Variants in EPC1 observed in about 807,000 individuals in gnomAD.
EPC1 encodes the protein enhancer of polycomb 1, also known as enhancer of polycomb homolog 1.
In EPC1, 12 loss-of-function variants were observed where a neutral mutation model predicts 98.4. The observed-to-expected ratio is 0.12, with a 90% confidence interval of 0.08 to 0.20. The LOEUF (loss-of-function observed/expected upper bound fraction) is 0.20, where lower values mean the gene tolerates loss of function less well. Among genes scored for constraint, EPC1 ranks in the 10% least tolerant of loss-of-function variants. The probability of loss-of-function intolerance (pLI) is 1.00; values close to 1 mark genes in which losing one functional copy is unlikely to be tolerated. For missense variants in EPC1, 729 were observed against 990.5 expected, an observed-to-expected ratio of 0.74 and a Z score of 3.54; for synonymous variants, 357 against 363.9, an observed-to-expected ratio of 0.98 and a Z score of 0.21.
intron 2 of EPC1, among the ~76,000 whole-genome samples, chr10:32,293,974 G>A (rs1468837204): frequency 6.6e-6 from 1 of 152,130 alleles, no homozygotes; most frequent in Middle Eastern, 3.4e-3. Context: ...CAATGGATGC[G>A]ACACCCTCCA....
At chr10:32,276,405 G>A (rs1004919828) in intron 10 of EPC1, among the ~76,000 whole-genome samples, 3 of 152,064 alleles carry the variant, frequency 2.0e-5, no homozygotes, top group Admixed American at 6.5e-5. Flanking sequence ...CCAGCTACTC[G>A]GGAGGCTGAG....
chr10:32,270,751 G>C (rs890361273), intron 13 of EPC1, among the ~76,000 whole-genome samples: 3 of 148,738 alleles, frequency 2.0e-5, no homozygotes, highest in African/African-American at 7.4e-5. Flanking sequence ...GAACCTGGGA[G>C]GCAGAGATTG....
At chr10:32,356,631 ACT>A (rs1434012137) in intron 1 of EPC1, among the ~76,000 whole-genome samples, 7 of 152,146 alleles carry the variant, frequency 4.6e-5, no homozygotes, top group African/African-American at 1.7e-4. Flanking sequence ...AGGAAAATAG[ACT>A]CTGTGAGCTG....
chr10:32,336,450 C>G (rs1295882435), intron 1 of EPC1, among the ~76,000 whole-genome samples: 1 of 152,124 alleles, frequency 6.6e-6, no homozygotes, highest in African/African-American at 2.4e-5. Context: ...CAAACCCTAT[C>G]TACCTACTTT....
intron 1 of EPC1, among the ~76,000 whole-genome samples, chr10:32,321,468 T>A (rs1836912503): frequency 6.6e-6 from 1 of 152,038 alleles, no homozygotes; most frequent in African/African-American, 2.4e-5. Context: ...TCCTCCTGCC[T>A]CTGCCTCCTA....
chr10:32,290,170 T>G lies in EPC1; in HGVS notation c.975+993A>C, dbSNP rs1012813076. Among the ~76,000 whole-genome samples the G allele has an allele frequency of 2.6e-5, 4 of 152,164 alleles. No individual in the cohort carries two copies. The South Asian group carries it at 8.3e-4, about 32-fold the overall frequency. On this transcript the variant is annotated intron_variant, in intron 6 of 13. Coordinates refer to ENST00000319778, the MANE Select transcript of EPC1 (RefSeq NM_001272004.3). ...CAAAATTCCCTCTTATACACTATTG[T>G]GTCCACAAAAGACAGAAAAACTCAT...
At chr10:32,278,371 G>GTTTTTTTTTTTTGTTTTTTTTTTT (rs1836213066) in intron 10 of EPC1, among the ~76,000 whole-genome samples, 2 of 102,598 alleles carry the variant, frequency 1.9e-5, no homozygotes, top group Non-Finnish European at 3.8e-5. Flanking sequence ...GTTTTTTTTT[G>GTTTTTTTTTTTTGTTTTTTTTTTT]TTTTTTTTTT....
chr10:32,273,317 C>T, intron 10 of EPC1, 36 bp from the exon 11 acceptor site: 1 of 1,602,820 alleles, frequency 6.2e-7, no homozygotes, highest in South Asian at 1.1e-5. Flanking sequence ...TATAAAAATG[C>T]CCAGCTGTCA....
chr10:32,318,531 G>T (rs1836689695), intron 1 of EPC1, among the ~76,000 whole-genome samples: 1 of 152,054 alleles, frequency 6.6e-6, no homozygotes, highest in Non-Finnish European at 1.5e-5. Context: ...CTGAACTCTA[G>T]ACATGTATAT....
intron 9 of EPC1, chr10:32,285,286 C>A (rs888430591): frequency 2.4e-6 from 1 of 421,956 alleles, no homozygotes. Context: ...TTACAAAGCA[C>A]CAAAATGAAT....
chr10:32,283,622 A>ATTCT (rs1836518374), intron 10 of EPC1: 1 of 152,188 alleles, frequency 6.6e-6, no homozygotes, highest in South Asian at 2.1e-4. Flanking sequence ...TAAATTTCTT[A>ATTCT]ATAACATGTT....
intron 1 of EPC1, among the ~76,000 whole-genome samples, chr10:32,367,210 C>T (rs906713375): frequency 3.3e-5 from 5 of 152,118 alleles, no homozygotes; most frequent in South Asian, 2.1e-4. Flanking sequence ...AGGCTGGTCT[C>T]GAACTCCTGA....
rs558009654 is a variant in EPC1, at chr10:32,368,206, G to C, written c.3+10285C>G. Among the ~76,000 whole-genome samples, 12 of 152,282 alleles carry C rather than the reference G, an allele frequency of 7.9e-5. No individual in the cohort carries two copies. The South Asian group carries it at 1.5e-3, about 18-fold the overall frequency. On this transcript the variant is annotated intron_variant, in intron 1 of 13. Transcript: ENST00000375110. ...ATCCCTTCATCATTTTCTGGCAATT[G>C]ACGCAAGCATTTGAACTGGTGCTCT...
chr10:32,269,673 A>C (rs1373050739), intron 13 of EPC1, among the ~76,000 whole-genome samples: 2 of 152,258 alleles, frequency 1.3e-5, no homozygotes, highest in South Asian at 4.1e-4. Flanking sequence ...AATTCTATAC[A>C]TGGCAAATAT....
chr10:32,286,413 G>A (rs1415871239), intron 9 of EPC1: 4 of 437,000 alleles, frequency 9.2e-6, no homozygotes, highest in Admixed American at 7.4e-5. Context: ...GTCTTCATCT[G>A]TTGCCCTTTC....
chr10:32,341,317 CTGTG>C (rs955653800), intron 1 of EPC1, among the ~76,000 whole-genome samples: 2 of 102,620 alleles, frequency 1.9e-5, no homozygotes, highest in Admixed American at 1.0e-4. Context: ...GGACACATGT[CTGTG>C]TGTGTGTGTC....
Position 32,308,686 on chromosome 10 carries a change from T to G in EPC1, c.154-2755A>C, listed in dbSNP as rs541775256. Among the ~76,000 whole-genome samples, 138 of 152,308 alleles carry G rather than the reference T, an allele frequency of 9.1e-4. 1 individual carries two copies. The highest frequency in any genetic ancestry group is 3.2e-3 in the African/African-American group (135 of 41,580). ...AATCCTCACACACTGTTGGTGAGAA[T>G]GTAAATTAGTACAGCCACTATGGAA... On this transcript the variant is annotated intron_variant, in intron 1 of 13. Coordinates refer to ENST00000319778, the MANE Select transcript of EPC1 (RefSeq NM_001272004.3).
chr10:32,326,207 T>C (rs16933243), intron 1 of EPC1, among the ~76,000 whole-genome samples: 23,028 of 152,102 alleles, frequency 0.15, 2,052 homozygotes, highest in South Asian at 0.33. Context: ...GTCTTTAGAG[T>C]TGTTCATCAA....
At chr10:32,358,886 G>C (rs115291476) in intron 1 of EPC1, among the ~76,000 whole-genome samples, 1,708 of 152,222 alleles carry the variant, frequency 0.011, 38 homozygotes, top group African/African-American at 0.039. Flanking sequence ...TCTGAAATGA[G>C]AGTTATGTAA....
Sources: allele counts gnomAD v4.1 joint callset (sites outside exome capture counted in the v4.1 genomes callset), GRCh38; gene constraint gnomAD v4.1.1; transcripts MANE v1.5; gene names NCBI Gene and HGNC (gene_info 2026-07-23, HGNC 2026-07-21).